SERPINB13: variants seen among roughly 807,000 people sequenced by gnomAD.
SERPINB13 encodes serpin B13.
In SERPINB13, 26 loss-of-function variants were observed where a neutral mutation model predicts 31.2. The ratio of observed to expected loss-of-function variants is 0.83; its 90% confidence interval spans 0.61 to 1.15. SERPINB13 has a LOEUF of 1.15. SERPINB13 is among the 50% of genes most tolerant of loss of function. SERPINB13 has a pLI of 0.00. For synonymous variants in SERPINB13, 191 were observed against 172.4 expected (o/e 1.11, Z -0.85); for missense variants, 510 against 469.4 (o/e 1.09, Z -0.80).
chr18:63,591,405 T>C (rs1911843978), intron 3 of SERPINB13, among the ~76,000 whole-genome samples: 1 of 120,016 alleles, frequency 8.3e-6, no homozygotes, highest in Non-Finnish European at 2.0e-5. Flanking sequence ...CCTTCCTTTT[T>C]TCTTTCCTTC....
In SERPINB13 at chr18:63,588,882, GGC is replaced by G. The variant is rs200555741; in HGVS notation, c.165+52_165+53del. 1.4e-3 allele frequency: 1,953 copies of G among 1,413,754 alleles called. 12 individuals carry two copies. The highest frequency in any genetic ancestry group is 7.2e-3 in the Middle Eastern group (31 of 4,330). The allele number at this position is 1,413,754 out of a possible 1,614,324, so 87.6% of individuals were successfully genotyped here. A position where few individuals can be genotyped will look rare whatever the true frequency, so the allele number is the denominator to read the frequency against. ...TTGTTTCCTATGCACAAATTCATTT[GGC>G]GGGGGGGTTGTCAGCCCTCTTGCAT... On this transcript the variant is annotated intron_variant, in intron 2 of 7. Coordinates refer to ENST00000344731, the MANE Select transcript of SERPINB13 (RefSeq NM_012397.4).
intron 2 of SERPINB13, among the ~76,000 whole-genome samples, 186 bp from the exon 3 acceptor site, chr18:63,589,470 C>CAT (rs1555678818): frequency 0.13 from 18,857 of 149,924 alleles, 1,248 homozygotes; most frequent in East Asian, 0.19. Flanking sequence ...CACACACACA[C>CAT]ACACACACAC....
In SERPINB13 at chr18:63,595,950, A is replaced by G. The variant is rs533178374; in HGVS notation, c.771+766A>G. Among the ~76,000 whole-genome samples the G allele has an allele frequency of 3.4e-4, 48 of 142,806 alleles. 1 individual carries two copies. In the South Asian group the frequency reaches 0.011, roughly 33 times the overall value. The allele number at this position is 142,806 out of a possible 152,430, so 93.7% of individuals were successfully genotyped here. A position where few individuals can be genotyped will look rare whatever the true frequency, so the allele number is the denominator to read the frequency against. On this transcript the variant is annotated intron_variant, in intron 7 of 7. Coordinates refer to ENST00000344731, the MANE Select transcript of SERPINB13 (RefSeq NM_012397.4). ...AATAAATAAATAAATAAATAAATAAATTGTGGCTAGTGTCCTGTATTTTGA... is the reference window on the plus strand; with the variant it reads ...AATAAATAAATAAATAAATAAATAAGTTGTGGCTAGTGTCCTGTATTTTGA...
rs1204860473 is a variant in SERPINB13, at chr18:63,588,732, C to T, written c.65C>T (p.Thr22Ile). The T allele has an allele frequency of 3.1e-6, 5 of 1,614,158 alleles. No individual in the cohort carries two copies. In the African/African-American group the frequency reaches 6.7e-5, roughly 22 times the overall value. ...GFDLFKELKK[T>I]NDGNIFFSPV... The stretch of plus-strand genomic sequence containing the variant: ...GATCTTTTCAAAGAGCTGAAGAAAA[C>T]AAATGATGGCAACATCTTCTTTTCC... The change falls in exon 2 of 8, where the codon ACA (threonine) becomes ATA (isoleucine). Residue 22 changes from threonine to isoleucine, a missense_variant. Transcript: ENST00000344731.
In SERPINB13 at chr18:63,592,327, G is replaced by A. The variant is rs777849759; in HGVS notation, c.226-21G>A. On this transcript the variant is annotated intron_variant, in intron 3 of 7. Coordinates refer to ENST00000344731, the MANE Select transcript of SERPINB13 (RefSeq NM_012397.4). ...TGCTTTTGCCAAGATAACCTGTTGA[G>A]ATTTTGTTTTAATTTTCAAGATTGA... 7.5e-6 allele frequency: 12 copies of A among 1,603,506 alleles called. No homozygotes were observed. In the African/African-American group the frequency reaches 1.3e-4, roughly 18 times the overall value.
rs1912096463 is a variant in SERPINB13 at position 63,595,204 on chromosome 18, T to A, written c.771+20T>A. 6.3e-7 allele frequency: 1 copy of A among 1,591,148 alleles called. No homozygotes were observed. Among genetic ancestry groups the A allele is most frequent in the East Asian group, 2.2e-5 (1 of 44,726 alleles). ...GAGAAGGTAAACGCTTACACCTCCT[T>A]ATTCTTTCTTTCATTTCCTAAGGCT... On this transcript the variant is annotated intron_variant, in intron 7 of 7. Coordinates refer to ENST00000344731, the MANE Select transcript of SERPINB13 (RefSeq NM_012397.4).
chr18:63,594,527 G>A, intron 6 of SERPINB13, 30 bp downstream of exon 6: 1 of 1,608,832 alleles, frequency 6.2e-7, no homozygotes, highest in East Asian at 2.2e-5. Context: ...TTCGTGATGT[G>A]CTTACACATG....
chr18:63,596,604 T>C (rs1284169540), intron 7 of SERPINB13, among the ~76,000 whole-genome samples: 6 of 152,222 alleles, frequency 3.9e-5, no homozygotes, highest in African/African-American at 1.4e-4. Flanking sequence ...GTTTACTTTT[T>C]ATCAAATAAA....
Position 63,597,038 on chromosome 18 carries a change from A to C in SERPINB13, c.851A>C (p.His284Pro). 3.7e-6 allele frequency: 6 copies of C among 1,614,204 alleles called. No individual in the cohort carries two copies. Among genetic ancestry groups the C allele is most frequent in the Non-Finnish European group, 5.1e-6 (6 of 1,180,018 alleles). Residue 284 changes from histidine to proline, a missense_variant, in exon 8 of 8, where the codon CAC becomes CCC. Physicochemically the swap from His to Pro is moderately conservative, Grantham distance 77. Transcript: ENST00000344731. Reference sequence around the variant, plus strand: ...ATGGAAGAAAGAAAGGTGAATCTGCACTTGCCCCGGTTTGAGGTGGAGGAC... The same window carrying C: ...ATGGAAGAAAGAAAGGTGAATCTGCCCTTGCCCCGGTTTGAGGTGGAGGAC... Reference protein sequence around the residue: ...GHMEERKVNLHLPRFEVEDGY... With the variant: ...GHMEERKVNLPLPRFEVEDGY...
chr18:63,592,062 A>C (rs1357812468), intron 3 of SERPINB13, among the ~76,000 whole-genome samples: 2 of 152,206 alleles, frequency 1.3e-5, no homozygotes, highest in African/African-American at 4.8e-5. Context: ...TTTAGTGAGC[A>C]CTTTTATTTG....
rs1009495133 is a variant in SERPINB13, at chr18:63,597,794, C to T, written c.*431C>T. 6.4e-6 allele frequency: 1 copy of T among 155,112 alleles called. No homozygotes were observed. Among genetic ancestry groups the T allele is most frequent in the African/African-American group, 2.4e-5 (1 of 41,496 alleles). 9.6% of individuals were successfully genotyped at this position (155,112 alleles called of 1,614,324 possible). On this transcript the variant is annotated 3_prime_UTR_variant, in exon 8 of 8. Transcript: ENST00000344731. The stretch of plus-strand genomic sequence containing the variant: ...CTCAGCTCATGTTACTATTCCCCAA[C>T]AGATATTGTGGCAAATCACACATAG...
chr18:63,588,381 A>G (rs1387112600), intron 1 of SERPINB13, among the ~76,000 whole-genome samples: 1 of 152,212 alleles, frequency 6.6e-6, no homozygotes, highest in African/African-American at 2.4e-5. Context: ...GAGCAAGAGA[A>G]TAAAGCCATT....
chr18:63,595,902 TTAAATAAATAAATAAATAAA>T (rs57781505), intron 7 of SERPINB13, among the ~76,000 whole-genome samples: 40 of 143,012 alleles, frequency 2.8e-4, no homozygotes, highest in Admixed American at 9.1e-4. Context: ...TGTCTCAAAA[TTAAATAAATAAATAAATAAA>T]TAAATAAATA....
At chr18:63,596,653 T>A (rs1912185031) in intron 7 of SERPINB13, among the ~76,000 whole-genome samples, 1 of 152,188 alleles carries the variant, frequency 6.6e-6, no homozygotes, top group African/African-American at 2.4e-5. Flanking sequence ...TAAATATATA[T>A]GCATTCAAAG....
chr18:63,593,768 G>C lies in SERPINB13; in HGVS notation c.473-587G>C, dbSNP rs1316874909. ...GGAAATAAAAGAAACAGAAAAAATA[G>C]GATCTTTCAAAAAGTTGAACAGTAT... is the stretch of plus-strand genomic sequence containing the variant. On this transcript the variant is annotated intron_variant, in intron 5 of 7. Coordinates refer to ENST00000344731, the MANE Select transcript of SERPINB13 (RefSeq NM_012397.4). 2.6e-5 allele frequency among the ~76,000 whole-genome samples: 4 copies of C among 152,084 alleles called. No homozygotes were observed. The South Asian group carries it at 6.2e-4, about 24-fold the overall frequency.
chr18:63,592,627 C>T, intron 4 of SERPINB13, 151 bp downstream of exon 4: 1 of 883,044 alleles, frequency 1.1e-6, no homozygotes, highest in Non-Finnish European at 1.7e-6. Flanking sequence ...TTCAGAACTG[C>T]AGGGAGTTCC....
chr18:63,591,683 T>A (rs879526527), intron 3 of SERPINB13, among the ~76,000 whole-genome samples: 1 of 152,028 alleles, frequency 6.6e-6, no homozygotes, highest in Non-Finnish European at 1.5e-5. Context: ...AAATATTAAT[T>A]TTCATGTATT....
intron 1 of SERPINB13, among the ~76,000 whole-genome samples, chr18:63,587,897 C>G (rs1317077763): frequency 1.3e-5 from 2 of 152,194 alleles, no homozygotes; most frequent in Non-Finnish European, 2.9e-5. Flanking sequence ...ATTAATTGCT[C>G]TTTAAAAACT....
At chr18:63,594,174 G>A (rs370099886) in intron 5 of SERPINB13, 181 bp from the exon 6 acceptor site, 2 of 1,510,814 alleles carry the variant, frequency 1.3e-6, no homozygotes, top group Non-Finnish European at 8.9e-7. Context: ...ATAAATAGGC[G>A]ATGGGCAAAA....
Sources: allele counts gnomAD v4.1 joint callset (sites outside exome capture counted in the v4.1 genomes callset), GRCh38; gene constraint gnomAD v4.1.1; transcripts MANE v1.5; gene names NCBI Gene and HGNC (gene_info 2026-07-23, HGNC 2026-07-21).